The following BACE2 variants were observed in gnomAD, a reference collection of about 807,000 sequenced individuals.
BACE2 encodes beta-secretase 2.
In BACE2, 17 loss-of-function variants were observed where a neutral mutation model predicts 46.2. The ratio of observed to expected loss-of-function variants is 0.37; its 90% CI spans 0.25 to 0.55. BACE2 has a LOEUF of 0.55. BACE2 is among the 20% of genes least tolerant of loss of function. BACE2 has a pLI of 0.82. For synonymous variants in BACE2, 277 were observed against 295.9 expected (o/e 0.94, Z 0.66); for missense variants, 595 against 698.1 (o/e 0.85, Z 1.66).
chr21:41,200,195 A>G (rs1030542801), intron 1 of BACE2, among the ~76,000 whole-genome samples: 1 of 147,590 alleles, frequency 6.8e-6, no homozygotes, highest in African/African-American at 2.6e-5. Context: ...ATAATTAAAA[A>G]AAAAAACAAA....
chr21:41,221,771 T>G (rs1601282372), intron 1 of BACE2, among the ~76,000 whole-genome samples: 1 of 142,856 alleles, frequency 7.0e-6, no homozygotes, highest in Non-Finnish European at 1.5e-5. Context: ...GAGCTTGCAG[T>G]GAGCTGAGAT....
At chr21:41,178,969 G>T (rs2040789175) in intron 1 of BACE2, 1 of 660,586 alleles carries the variant, frequency 1.5e-6, no homozygotes, top group Non-Finnish European at 2.2e-6. Flanking sequence ...ACCTCTCTGA[G>T]GAGGTGCAAT....
intron 7 of BACE2, chr21:41,252,412 C>T (rs773722593): frequency 4.6e-5 from 7 of 152,250 alleles, no homozygotes; most frequent in Non-Finnish European, 7.3e-5. Context: ...CTCAAACAAC[C>T]CAGCTTTTGT....
intron 1 of BACE2, chr21:41,225,715 C>T (rs376313588): frequency 7.2e-5 from 11 of 152,542 alleles, no homozygotes; most frequent in African/African-American, 1.9e-4. Flanking sequence ...TAAGATCTTG[C>T]GTTTTTATTA....
Position 41,276,430 on chromosome 21 carries a change from G to A in BACE2, c.*806G>A, listed in dbSNP as rs1036058664. 2 of 152,146 alleles carry A rather than the reference G, an allele frequency of 1.3e-5. No individual in the cohort carries two copies. The highest frequency in any genetic ancestry group is 2.9e-5 in the Non-Finnish European group (2 of 68,062). 9.4% of individuals were successfully genotyped at this position (152,146 alleles called of 1,614,324 possible). A position where few individuals can be genotyped will look rare whatever the true frequency, so the allele number is the denominator to read the frequency against. Reference sequence around the variant, plus strand: ...TGGGGGTGCAGGCAGCCTTGACCACGGCTGTTCCCCTCACCCAAAAGAATT... The same window carrying A: ...TGGGGGTGCAGGCAGCCTTGACCACAGCTGTTCCCCTCACCCAAAAGAATT... On this transcript the variant is annotated 3_prime_UTR_variant, in exon 9 of 9. Coordinates refer to ENST00000330333, the MANE Select transcript of BACE2 (RefSeq NM_012105.5).
Position 41,241,198 on chromosome 21 carries a change from A to T in BACE2, c.619-621A>T, listed in dbSNP as rs1987276609. ...ATGTCTTGCTGGATGTGAGGGAGAC[A>T]CAGAGCACACGAGGGCTTCTGAAAT... On this transcript the variant is annotated intron_variant, in intron 3 of 8. Transcript: ENST00000330333. 2.0e-5 allele frequency among the ~76,000 whole-genome samples: 3 copies of T among 152,308 alleles called. No individual in the cohort carries two copies. In the South Asian group the frequency reaches 6.2e-4, roughly 32 times the overall value.
At chr21:41,199,905 G>GTGTTTGGTTTTT (rs1479243925) in intron 1 of BACE2, among the ~76,000 whole-genome samples, 2 of 152,020 alleles carry the variant, frequency 1.3e-5, no homozygotes, top group Non-Finnish European at 2.9e-5. Context: ...AGAACATGCG[G>GTGTTTGGTTTTT]TGTTTGGTTT....
chr21:41,227,867 C>T (rs1049916878), intron 2 of BACE2, among the ~76,000 whole-genome samples: 1 of 152,140 alleles, frequency 6.6e-6, no homozygotes, highest in Admixed American at 6.5e-5. Context: ...TATGCTGCCC[C>T]GTCCCACTCA....
At chr21:41,178,491 T>C (rs1338611727) in intron 1 of BACE2, 6 of 152,358 alleles carry the variant, frequency 3.9e-5, no homozygotes, top group African/African-American at 1.4e-4. Flanking sequence ...ATCCCAGCAC[T>C]TTGGAAGGCC....
chr21:41,185,750 T>C (rs1427097185), intron 1 of BACE2, among the ~76,000 whole-genome samples: 1 of 152,170 alleles, frequency 6.6e-6, no homozygotes, highest in African/African-American at 2.4e-5. Flanking sequence ...CCAAAGCAGC[T>C]GTGCACAGCA....
At chr21:41,252,712 T>A (rs983905030) in intron 7 of BACE2, among the ~76,000 whole-genome samples, 2 of 152,206 alleles carry the variant, frequency 1.3e-5, no homozygotes, top group African/African-American at 4.8e-5. Context: ...CACATCAATA[T>A]GTCTTTGTTG....
At chr21:41,173,991 C>T (rs954539020) in intron 1 of BACE2, among the ~76,000 whole-genome samples, 4 of 152,030 alleles carry the variant, frequency 2.6e-5, no homozygotes, top group African/African-American at 7.2e-5. Flanking sequence ...TGCTTCCCCC[C>T]ATACTTCCCG....
intron 1 of BACE2, chr21:41,179,782 A>C: frequency 1.6e-6 from 1 of 611,230 alleles, no homozygotes; most frequent in Non-Finnish European, 2.6e-6. Context: ...GACCACAGAG[A>C]CTATTGTGTG....
At chr21:41,260,240 G>A (rs1987899730) in intron 8 of BACE2, among the ~76,000 whole-genome samples, 1 of 152,146 alleles carries the variant, frequency 6.6e-6, no homozygotes, top group Non-Finnish European at 1.5e-5. Flanking sequence ...CACCTCCCAG[G>A]CTCAAGCAAT....
rs967751694 is a variant in BACE2 at position 41,237,418 on chromosome 21, C to G, written c.402-95C>G. ...CCAAGATCCCGCCACTGCACTCCAGCCTGGGTGACAGAGCAAGACTCCGTC... is the reference window on the plus strand; with the variant it reads ...CCAAGATCCCGCCACTGCACTCCAGGCTGGGTGACAGAGCAAGACTCCGTC... On this transcript the variant is annotated intron_variant, in intron 2 of 8. Transcript: ENST00000330333. 138 of 936,606 alleles carry G rather than the reference C, an allele frequency of 1.5e-4. 1 individual carries two copies. The South Asian group carries it at 1.5e-3, about 10-fold the overall frequency. 58.0% of individuals were successfully genotyped at this position (936,606 alleles called of 1,614,324 possible). A position where few individuals can be genotyped will look rare whatever the true frequency, so the allele number is the denominator to read the frequency against.
chr21:41,208,005 G>A (rs907070352), intron 1 of BACE2, among the ~76,000 whole-genome samples: 2 of 152,212 alleles, frequency 1.3e-5, no homozygotes, highest in African/African-American at 4.8e-5. Context: ...GCCTATCACT[G>A]GCCAGACAGC....
intron 1 of BACE2, among the ~76,000 whole-genome samples, chr21:41,210,084 TG>T (rs1431132851): frequency 6.6e-6 from 1 of 152,124 alleles, no homozygotes; most frequent in Non-Finnish European, 1.5e-5. Context: ...AATTAGGATT[TG>T]GGGACTTGGA....
At chr21:41,232,956 C>T (rs1406510158) in intron 2 of BACE2, among the ~76,000 whole-genome samples, 2 of 151,460 alleles carry the variant, frequency 1.3e-5, no homozygotes, top group Admixed American at 6.6e-5. Context: ...GCAAGCTCCA[C>T]CTCCCGGGTT....
At chr21:41,168,721 TG>T (rs1984474081) in intron 1 of BACE2, 146 bp downstream of exon 1, 2 of 284,318 alleles carry the variant, frequency 7.0e-6, no homozygotes, top group Non-Finnish European at 1.2e-5. Context: ...GGGGCTCGGG[TG>T]GGCCGGGGAG....
Sources: allele counts gnomAD v4.1 joint callset (sites outside exome capture counted in the v4.1 genomes callset), GRCh38; gene constraint gnomAD v4.1.1; transcripts MANE v1.5; gene names NCBI Gene and HGNC (gene_info 2026-07-23, HGNC 2026-07-21).